Variants in THOP1 observed in about 807,000 individuals in gnomAD.
The protein encoded by THOP1 is thimet oligopeptidase.
THOP1 carries 49 observed loss-of-function variants against 71.8 expected under a neutral mutation model. That is an observed-to-expected ratio of 0.68 (90% CI 0.54 to 0.87). The LOEUF is 0.87. Ranked by LOEUF, THOP1 falls within the 40% of genes least tolerant of loss-of-function variation. The probability of loss-of-function intolerance (pLI) is 0.00; values close to 1 mark genes in which losing one functional copy is unlikely to be tolerated. For missense variants in THOP1, 843 were observed against 975.6 expected, an observed-to-expected ratio of 0.86 and a Z score of 1.81; for synonymous variants, 426 against 421.5, an observed-to-expected ratio of 1.01 and a Z score of -0.13.
chr19:2,811,602 C>T lies in THOP1; in HGVS notation c.1776C>T (p.Thr592=), dbSNP rs1916463404. 6.2e-7 allele frequency: 1 copy of T among 1,612,636 alleles called. No individual in the cohort carries two copies. ...EILGVPATPG[T]NMPATFGHLA... ...CCTGCCATGTGTCCGCCCCAGGAAC[C>T]AACATGCCTGCAACCTTCGGCCATC... The change falls in exon 12 of 13, where the codon ACC becomes ACT. Residue 592 remains threonine, a synonymous_variant. Transcript: ENST00000307741.
Position 2,807,423 on chromosome 19 carries a change from C to A in THOP1, c.887-19C>A. On this transcript the variant is annotated intron_variant, in intron 7 of 12. Transcript: ENST00000307741. ...GGAGCCCGCGAGGCGAGAGGCCCAC[C>A]TTTCTGCCCTCCCCGCAGATGAGCT... The A allele has an allele frequency of 6.4e-7, 1 of 1,564,286 alleles. No homozygotes were observed. The highest frequency in any genetic ancestry group is 1.2e-5 in the South Asian group (1 of 86,102).
At position 2,807,433 on chromosome 19, in the gene THOP1, T is replaced by C. The variant is rs751303265; in HGVS notation, c.887-9T>C. 6.3e-7 allele frequency: 1 copy of C among 1,576,206 alleles called. No homozygotes were observed. The highest frequency in any genetic ancestry group is 8.6e-7 in the Non-Finnish European group (1 of 1,157,640). Reference sequence around the variant, plus strand: ...AGGCGAGAGGCCCACCTTTCTGCCCTCCCCGCAGATGAGCTGGCGCAGAAG... The same window carrying C: ...AGGCGAGAGGCCCACCTTTCTGCCCCCCCCGCAGATGAGCTGGCGCAGAAG... On this transcript the variant is annotated splice_polypyrimidine_tract_variant and intron_variant, in intron 7 of 12. Coordinates refer to ENST00000307741, the MANE Select transcript of THOP1 (RefSeq NM_003249.5).
chr19:2,812,441 G>A lies in THOP1; in HGVS notation c.1909-674G>A, dbSNP rs528858631. Reference sequence around the variant, plus strand: ...AGAGGTGCAGAGGCCAGGACCTGGGGGAGCAATGGTCCGACAAGCCCCCTG... The same window carrying A: ...AGAGGTGCAGAGGCCAGGACCTGGGAGAGCAATGGTCCGACAAGCCCCCTG... On this transcript the variant is annotated intron_variant, in intron 12 of 12. Coordinates refer to ENST00000307741, the MANE Select transcript of THOP1 (RefSeq NM_003249.5). The A allele has an allele frequency of 6.7e-5, 93 of 1,396,982 alleles. No individual in the cohort carries two copies. The African/African-American group carries it at 1.3e-3, about 19-fold the overall frequency. The allele number at this position is 1,396,982 out of a possible 1,614,324, so 86.5% of individuals were successfully genotyped here.
At chr19:2,792,439 A>G (rs1212042388) in intron 2 of THOP1, among the ~76,000 whole-genome samples, 2 of 152,006 alleles carry the variant, frequency 1.3e-5, no homozygotes, top group African/African-American at 4.8e-5. Context: ...TGTGGGGATT[A>G]CAGGCATGAG....
chr19:2,794,014 T>C (rs1915950002), intron 2 of THOP1, among the ~76,000 whole-genome samples: 1 of 140,890 alleles, frequency 7.1e-6, no homozygotes, highest in African/African-American at 2.7e-5. Context: ...TTTTTTTTTT[T>C]TCTTTTTTTT....
rs1357080593 is a variant in THOP1 at position 2,801,910 on chromosome 19, A to G, written c.589+2119A>G. 6.6e-6 allele frequency among the ~76,000 whole-genome samples: 1 copy of G among 152,040 alleles called. No individual in the cohort carries two copies. The highest frequency in any genetic ancestry group is 1.5e-5 in the Non-Finnish European group (1 of 67,980). On this transcript the variant is annotated intron_variant, in intron 5 of 12. Transcript: ENST00000307741. This position sits in a 1 kb window ranked among gnomAD's most constrained non-coding sequence, Gnocchi z 5.1. ...TCATCCATTCCTGAAGGCAGAGGCCACATGACCCAGCTGCCTCTTGAAGGC... is the reference window on the plus strand; with the variant it reads ...TCATCCATTCCTGAAGGCAGAGGCCGCATGACCCAGCTGCCTCTTGAAGGC...
intron 4 of THOP1, 113 bp downstream of exon 4, chr19:2,796,301 G>GGGGGAGTGCTGGGCTC: frequency 3.6e-6 from 3 of 832,490 alleles, no homozygotes; most frequent in Non-Finnish European, 1.9e-6. Flanking sequence ...GCGCAGGGCA[G>GGGGGAGTGCTGGGCTC]GGGGAGTGCT....
At chr19:2,811,950 C>A (rs1266389340) in intron 12 of THOP1, 5 of 1,211,628 alleles carry the variant, frequency 4.1e-6, no homozygotes, top group Non-Finnish European at 5.6e-6. Context: ...CCTGGGTGTG[C>A]CGGGTGAGCC....
Position 2,815,149 on chromosome 19 carries a change from G to T in THOP1, c.*1873G>T, listed in dbSNP as rs974773380. ...GGGCAGAGGTGGAGATGGCAAGTCT[G>T]GGGGCTCCCTCATCTTCCCCTGCCC... On this transcript the variant is annotated 3_prime_UTR_variant, in exon 13 of 13. Coordinates refer to ENST00000307741, the MANE Select transcript of THOP1 (RefSeq NM_003249.5). 1 of 152,242 alleles carries T rather than the reference G, an allele frequency of 6.6e-6. No individual in the cohort carries two copies. The highest frequency in any genetic ancestry group is 2.4e-5 in the African/African-American group (1 of 41,450). 9.4% of individuals were successfully genotyped at this position (152,242 alleles called of 1,614,324 possible).
Position 2,807,565 on chromosome 19 carries a change from T to C in THOP1, c.1010T>C (p.Met337Thr), listed in dbSNP as rs765221294. ...GACGGCCGCATCCGTGCCTGGGACA[T>C]GCGCTACTACATGAACCAGGTGGAG... Reference protein sequence around the residue: ...PFDGRIRAWDMRYYMNQVEET... With the variant: ...PFDGRIRAWDTRYYMNQVEET... The change falls in exon 8 of 13, where the codon ATG becomes ACG. Residue 337 changes from methionine (M) to threonine (T), a missense_variant. Coordinates refer to ENST00000307741, the MANE Select transcript of THOP1 (RefSeq NM_003249.5). 4 of 1,612,584 alleles carry C rather than the reference T, an allele frequency of 2.5e-6. No individual in the cohort carries two copies. The highest frequency in any genetic ancestry group is 1.1e-5 in the South Asian group (1 of 91,080).
Position 2,794,860 on chromosome 19 carries a change from AC to A in THOP1, c.327del (p.Asp109GlufsTer4). The A allele has an allele frequency of 6.2e-7, 1 of 1,613,994 alleles. No individual in the cohort carries two copies. Among genetic ancestry groups the A allele is most frequent in the South Asian group, 1.1e-5 (1 of 91,080 alleles). ...GCCGACAAGAAGCTCTCTGAGTTCG[AC>A]GTGGAGATGAGCATGAGGGAGGACG... ...TEADKKLSEF[D>X]VEMSMREDVY... On this transcript the variant is annotated frameshift_variant, in exon 3 of 13. Coordinates refer to ENST00000307741, the MANE Select transcript of THOP1 (RefSeq NM_003249.5). LOFTEE classifies it high-confidence loss of function.
chr19:2,800,375 G>C (rs533743616), intron 5 of THOP1, among the ~76,000 whole-genome samples: 1 of 152,238 alleles, frequency 6.6e-6, no homozygotes, highest in Non-Finnish European at 1.5e-5. Context: ...TAGTAGAGAC[G>C]GTTTCGCCGT....
intron 1 of THOP1, among the ~76,000 whole-genome samples, chr19:2,786,359 C>T (rs1049288578): frequency 6.6e-6 from 1 of 152,176 alleles, no homozygotes; most frequent in Non-Finnish European, 1.5e-5. Flanking sequence ...AATCCTCCCG[C>T]CTCAGCCACC....
chr19:2,808,471 G>T, intron 9 of THOP1, 27 bp downstream of exon 9: 1 of 1,534,660 alleles, frequency 6.5e-7, no homozygotes. Flanking sequence ...GCAGGGGCAG[G>T]GGCAGGGGCA....
intron 2 of THOP1, among the ~76,000 whole-genome samples, chr19:2,791,949 GGGCCTCTCCAGCC>G (rs1915893384): frequency 6.6e-6 from 1 of 152,142 alleles, no homozygotes; most frequent in South Asian, 2.1e-4. Context: ...CCCCCAGCCA[GGGCCTCTCCAGCC>G]GGCCCCTCGC....
At position 2,813,432 on chromosome 19, in the gene THOP1, G is replaced by A. The variant is rs1916538506; in HGVS notation, c.*156G>A. The stretch of plus-strand genomic sequence containing the variant: ...TCTTGTCATTGTCTGTCCCCACCCG[G>A]TCGTGGCCCACCCGGCTAGAGACGG... On this transcript the variant is annotated 3_prime_UTR_variant, in exon 13 of 13. Transcript: ENST00000307741. The A allele has an allele frequency of 1.0e-6, 1 of 973,530 alleles. No individual in the cohort carries two copies. The highest frequency in any genetic ancestry group is 1.5e-6 in the Non-Finnish European group (1 of 688,080). The allele number at this position is 973,530 out of a possible 1,614,324, so 60.3% of individuals were successfully genotyped here.
rs180791507 is a variant in THOP1 at position 2,810,267 on chromosome 19, G to T, written c.1456-37G>T. On this transcript the variant is annotated intron_variant, in intron 9 of 12. Transcript: ENST00000307741. ...AGGCCGGCGGGAACGGGCTAGGCAG[G>T]ACCTGGGCACTCTGAGGCTCTGCCC... The T allele has an allele frequency of 5.7e-5, 92 of 1,600,392 alleles. No homozygotes were observed. In the African/African-American group the frequency reaches 1.1e-3, roughly 19 times the overall value.
intron 6 of THOP1, chr19:2,806,589 C>T: frequency 2.7e-6 from 1 of 365,254 alleles, no homozygotes; most frequent in South Asian, 3.6e-5. Flanking sequence ...GCCCGTGAGA[C>T]TGGGAACCAA....
At chr19:2,797,485 C>T (rs965641251) in intron 4 of THOP1, among the ~76,000 whole-genome samples, 4 of 152,192 alleles carry the variant, frequency 2.6e-5, no homozygotes, top group African/African-American at 7.2e-5. Flanking sequence ...TGACGCTGGG[C>T]GCCAGCCACA....
Sources: gnomAD v4.1 joint callset for allele counts (sites outside exome capture counted in the v4.1 genomes callset) on GRCh38, gnomAD v4.1.1 for gene constraint, Gnocchi (gnomAD v3.1) non-coding constraint, MANE v1.5 for transcripts, NCBI Gene and HGNC (gene_info 2026-07-23, HGNC 2026-07-21) for gene names.